The following CLTC variants were observed in gnomAD, a reference collection of about 807,000 sequenced individuals.
The protein encoded by CLTC is clathrin heavy chain 1.
In CLTC, 16 loss-of-function variants were observed where a neutral mutation model predicts 195.8. The observed-to-expected ratio is 0.08, with a 90% CI of 0.06 to 0.12. The LOEUF is 0.12. Ranked by LOEUF, CLTC falls within the 10% of genes least tolerant of loss-of-function variation. The pLI is 1.00. For synonymous variants in CLTC, 667 were observed against 689.4 expected, an observed-to-expected ratio of 0.97 and a Z score of 0.51; for missense variants, 796 against 2,027.0, an observed-to-expected ratio of 0.39 and a Z score of 11.66.
At chr17:59,673,148 C>T (rs1392536182) in intron 14 of CLTC, among the ~76,000 whole-genome samples, 1 of 151,764 alleles carries the variant, frequency 6.6e-6, no homozygotes, top group Non-Finnish European at 1.5e-5. Context: ...ATGTGGTCAC[C>T]ATCATGCTGC....
chr17:59,638,619 C>G (rs774978281), intron 1 of CLTC, among the ~76,000 whole-genome samples: 2 of 152,052 alleles, frequency 1.3e-5, no homozygotes, highest in Non-Finnish European at 2.9e-5. Flanking sequence ...ACAAGGCATT[C>G]GTTAGATTCT....
chr17:59,692,205 T>C (rs1427945645), intron 31 of CLTC, among the ~76,000 whole-genome samples: 1 of 152,176 alleles, frequency 6.6e-6, no homozygotes, highest in Non-Finnish European at 1.5e-5. Context: ...TAGTCCCAGC[T>C]ACTTGGGAGG....
chr17:59,628,685 A>G (rs531345604), intron 1 of CLTC, among the ~76,000 whole-genome samples: 72 of 152,136 alleles, frequency 4.7e-4, no homozygotes, highest in Non-Finnish European at 9.3e-4. Context: ...TTGGATTGGG[A>G]GTTGACTCTG....
chr17:59,691,632 A>AAATAT (rs1337583368), intron 31 of CLTC, among the ~76,000 whole-genome samples: 1 of 145,502 alleles, frequency 6.9e-6, no homozygotes, highest in South Asian at 2.2e-4. Context: ...TTAAAAAAAA[A>AAATAT]ATATATATAT....
chr17:59,622,850 C>G (rs1055859752), intron 1 of CLTC, among the ~76,000 whole-genome samples: 1 of 152,080 alleles, frequency 6.6e-6, no homozygotes, highest in African/African-American at 2.4e-5. Context: ...ATTTTTATAC[C>G]CTTTAACTAC....
chr17:59,647,044 T>C (rs1215625434), intron 2 of CLTC, among the ~76,000 whole-genome samples: 2 of 152,248 alleles, frequency 1.3e-5, no homozygotes, highest in Non-Finnish European at 2.9e-5. Context: ...CAACTAAGTT[T>C]ATGTGTAAAG....
intron 1 of CLTC, among the ~76,000 whole-genome samples, chr17:59,622,322 C>T (rs1470733356): frequency 6.6e-6 from 1 of 152,202 alleles, no homozygotes; most frequent in Non-Finnish European, 1.5e-5. Flanking sequence ...CAAATAACTA[C>T]AGCCTCTTTC....
intron 1 of CLTC, among the ~76,000 whole-genome samples, chr17:59,643,132 G>GGTGTGTGTGTGTGTGTGT (rs59380117): frequency 1.5e-4 from 22 of 142,318 alleles, no homozygotes; most frequent in African/African-American, 6.1e-4. Context: ...TCTTTTCTGG[G>GGTGTGTGTGTGTGTGTGT]GTGTGTGTGT....
Position 59,677,076 on chromosome 17 carries a change from G to A in CLTC, c.2684G>A (p.Arg895His), listed in dbSNP as rs984578159. The stretch of plus-strand genomic sequence containing the variant: ...AATAACAACCCGGAGAGATTTCTTC[G>A]TGAAAATCCCTACTATGACAGTCGC... The part of the protein sequence containing the change: ...DSNNNPERFL[R>H]ENPYYDSRVV... The change falls in exon 17 of 32, where the codon CGT becomes CAT. Residue 895 changes from arginine (R) to histidine (H), a missense_variant. This residue lies in a region of CLTC where 160 missense variants were observed against 448.2 expected (regional missense o/e 0.36). Coordinates refer to ENST00000269122, the MANE Select transcript of CLTC (RefSeq NM_004859.4). 31 of 1,613,938 alleles carry A rather than the reference G, an allele frequency of 1.9e-5. No individual in the cohort carries two copies. The Admixed American group carries it at 3.7e-4, about 19-fold the overall frequency.
At chr17:59,651,126 TG>T in intron 4 of CLTC, 76 bp from the exon 5 acceptor site, 1 of 869,264 alleles carries the variant, frequency 1.2e-6, no homozygotes, top group African/African-American at 1.7e-5. Flanking sequence ...TGTTTCCATT[TG>T]GGGGCTACAA....
intron 6 of CLTC, among the ~76,000 whole-genome samples, chr17:59,659,248 G>A (rs1343720463): frequency 6.6e-6 from 1 of 152,014 alleles, no homozygotes; most frequent in Non-Finnish European, 1.5e-5. Flanking sequence ...CATATGACTA[G>A]TTCTGCACTG....
At position 59,667,000 on chromosome 17, in the gene CLTC, T is replaced by C. The variant is rs2143556870; in HGVS notation, c.2128+23T>C. Reference sequence around the variant, plus strand: ...AAGGTAATTAGGAGTTTTTGAGTTTTTAAAAAAAGTACTTAAGGTAGCCAA... The same window carrying C: ...AAGGTAATTAGGAGTTTTTGAGTTTCTAAAAAAAGTACTTAAGGTAGCCAA... On this transcript the variant is annotated intron_variant, in intron 13 of 31. Coordinates refer to ENST00000269122, the MANE Select transcript of CLTC (RefSeq NM_004859.4). This position sits in a 1 kb window ranked among gnomAD's most constrained non-coding sequence, Gnocchi z 4.9. 6.3e-7 allele frequency: 1 copy of C among 1,577,932 alleles called. No individual in the cohort carries two copies. Among genetic ancestry groups the C allele is most frequent in the Admixed American group, 1.8e-5 (1 of 56,918 alleles).
intron 9 of CLTC, 39 bp from the exon 10 acceptor site, chr17:59,664,748 A>G: frequency 2.5e-6 from 4 of 1,593,728 alleles, no homozygotes; most frequent in Non-Finnish European, 3.4e-6. Flanking sequence ...TATAAAATTG[A>G]AACTTAGGAG....
In CLTC at chr17:59,683,098, C is replaced by T. The variant is rs141313166; in HGVS notation, c.3877C>T (p.Arg1293Cys). The T allele has an allele frequency of 3.1e-6, 5 of 1,614,018 alleles. No individual in the cohort carries two copies. The highest frequency in any genetic ancestry group is 1.7e-5 in the Admixed American group (1 of 60,014). The change falls in exon 25 of 32, where the codon CGT (arginine) becomes TGT (cysteine). Residue 1293 changes from arginine to cysteine, a missense_variant. Arg to Cys is a radical substitution (Grantham distance 180). Around this residue, in one of 9 missense-constraint regions of CLTC, gnomAD observed 102 missense variants for 317.6 expected, o/e 0.32. Transcript: ENST00000269122. This position sits in a 1 kb window ranked among gnomAD's most constrained non-coding sequence, Gnocchi z 6.1. Reference protein sequence around the residue: ...LEELINYYQDRGYFEELITML... With the variant: ...LEELINYYQDCGYFEELITML... ...ACTGCACATTTCTCTTGTTCAGGAT[C>T]GTGGCTATTTTGAAGAGCTGATCAC...
At chr17:59,684,750 G>A (rs1381260051) in intron 28 of CLTC, among the ~76,000 whole-genome samples, 2 of 144,956 alleles carry the variant, frequency 1.4e-5, no homozygotes, top group South Asian at 2.2e-4. Flanking sequence ...GTTGCAGTGA[G>A]CCCAGATTGC....
At chr17:59,673,422 A>G (rs1002666571) in intron 14 of CLTC, among the ~76,000 whole-genome samples, 2 of 152,162 alleles carry the variant, frequency 1.3e-5, no homozygotes, top group African/African-American at 4.8e-5. Flanking sequence ...AAGGGTGTGT[A>G]TGGGAAAGAC....
chr17:59,642,676 T>C (rs1376790011), intron 1 of CLTC, among the ~76,000 whole-genome samples: 4 of 152,222 alleles, frequency 2.6e-5, no homozygotes, highest in Non-Finnish European at 1.5e-5. Context: ...TTACATACTT[T>C]AAAGCTAGTG....
Position 59,696,335 on chromosome 17 carries a change from G to A in CLTC, c.*2483G>A, listed in dbSNP as rs2033423656. ...ATTTCAAGGCTGTCTTTAGTGTTCTGCCCACAATACTCCACCAATGACCTT... is the reference window on the plus strand; with the variant it reads ...ATTTCAAGGCTGTCTTTAGTGTTCTACCCACAATACTCCACCAATGACCTT... On this transcript the variant is annotated 3_prime_UTR_variant, in exon 32 of 32. Coordinates refer to ENST00000269122, the MANE Select transcript of CLTC (RefSeq NM_004859.4). 1 of 220,750 alleles carries A rather than the reference G, an allele frequency of 4.5e-6. No homozygotes were observed. The highest frequency in any genetic ancestry group is 9.1e-6 in the Non-Finnish European group (1 of 110,390). The allele number at this position is 220,750 out of a possible 1,614,324, so 13.7% of individuals were successfully genotyped here. A position where few individuals can be genotyped will look rare whatever the true frequency, so the allele number is the denominator to read the frequency against.
chr17:59,644,570 G>A (rs761376576), intron 2 of CLTC, 87 bp downstream of exon 2: 6 of 1,078,830 alleles, frequency 5.6e-6, no homozygotes, highest in Non-Finnish European at 7.7e-6. Context: ...TTGTTTTTGA[G>A]ACGGAGTTTT....
Sources: gnomAD v4.1 joint callset for allele counts (sites outside exome capture counted in the v4.1 genomes callset) on GRCh38, gnomAD v4.1.1 for gene constraint, gnomAD v4.1.1 regional missense constraint, Gnocchi (gnomAD v3.1) non-coding constraint, MANE v1.5 for transcripts, NCBI Gene and HGNC (gene_info 2026-07-23, HGNC 2026-07-21) for gene names.